DACH2: variants seen among roughly 807,000 people sequenced by gnomAD.
The protein encoded by DACH2 is dachshund family transcription factor 2.
In DACH2, 17 loss-of-function variants were observed where a neutral mutation model predicts 35.8. The ratio of observed to expected loss-of-function variants is 0.48; its 90% CI spans 0.33 to 0.71. DACH2 has a LOEUF of 0.71. DACH2 is among the 30% of genes least tolerant of loss of function. DACH2 has a pLI of 0.02. For synonymous variants in DACH2, 195 were observed against 177.3 expected, an observed-to-expected ratio of 1.10 and a Z score of -0.79; for missense variants, 469 against 472.7, an observed-to-expected ratio of 0.99 and a Z score of 0.07.
Position 86,508,332 on chromosome X carries a change from G to A in DACH2, c.528-5947G>A, listed in dbSNP as rs757174883. ...CCAGCATTTTGGGAGGCCGAGGCGG[G>A]CGGATCACTTGAGGCCAGGAGTTTG... On this transcript the variant is annotated intron_variant, in intron 2 of 11. Transcript: ENST00000373125. 7.2e-5 allele frequency among the ~76,000 whole-genome samples: 8 copies of A among 110,810 alleles called. No individual in the cohort carries two copies. The East Asian group carries it at 2.3e-3, about 32-fold the overall frequency.
At chrX:86,583,572 C>G (rs903138577) in intron 3 of DACH2, among the ~76,000 whole-genome samples, 12 of 108,258 alleles carry the variant, frequency 1.1e-4, no homozygotes, top group African/African-American at 4.0e-4. Context: ...TATTATTATA[C>G]TTTAAGTTTT....
chrX:86,394,816 G>C (rs1393560653), intron 2 of DACH2, among the ~76,000 whole-genome samples: 1 of 111,408 alleles, frequency 9.0e-6, no homozygotes, highest in Non-Finnish European at 1.9e-5. Context: ...TATAGCCCAG[G>C]GTGTCTGAAG....
At chrX:86,266,376 T>A (rs2147967259) in intron 1 of DACH2, among the ~76,000 whole-genome samples, 1 of 111,929 alleles carries the variant, frequency 8.9e-6, no homozygotes, top group East Asian at 2.8e-4. Context: ...GTCAACAAAA[T>A]GATTTAAAAC....
At chrX:86,721,619 T>G (rs2041407828) in intron 6 of DACH2, among the ~76,000 whole-genome samples, 1 of 111,993 alleles carries the variant, frequency 8.9e-6, no homozygotes, top group South Asian at 3.8e-4. Context: ...TGTTCCAACC[T>G]CTGTCTGTTA....
chrX:86,160,962 G>T, intron 1 of DACH2: 1 of 829,559 alleles, frequency 1.2e-6, no homozygotes, highest in Non-Finnish European at 1.8e-6. Context: ...GTAGTCCAGA[G>T]CCTCAAGCAG....
intron 7 of DACH2, among the ~76,000 whole-genome samples, chrX:86,795,311 G>C (rs149775635): frequency 0.016 from 1,699 of 103,490 alleles, 15 homozygotes; most frequent in Non-Finnish European, 0.026. Context: ...TCTGCTCACT[G>C]CAAGTTCCAT....
intron 1 of DACH2, among the ~76,000 whole-genome samples, chrX:86,295,511 G>A (rs942361067): frequency 9.0e-6 from 1 of 111,636 alleles, no homozygotes; most frequent in South Asian, 3.8e-4. Context: ...TGATCCTCTT[G>A]GTGTTGACTG....
chrX:86,221,146 A>G (rs1233254330), intron 1 of DACH2, among the ~76,000 whole-genome samples: 2 of 111,213 alleles, frequency 1.8e-5, no homozygotes, highest in Non-Finnish European at 3.8e-5. Context: ...GACCAATTCC[A>G]TGATGCTTTT....
intron 1 of DACH2, among the ~76,000 whole-genome samples, chrX:86,201,000 G>T (rs2032140223): frequency 9.0e-6 from 1 of 111,257 alleles, no homozygotes; most frequent in Non-Finnish European, 1.9e-5. Context: ...GTTCATTGCA[G>T]TGCTTTTCGC....
chrX:86,313,426 C>A (rs746916353), intron 1 of DACH2, among the ~76,000 whole-genome samples: 19 of 111,621 alleles, frequency 1.7e-4, no homozygotes, highest in Non-Finnish European at 3.4e-4. Flanking sequence ...AATGAATTAT[C>A]CTCCACTTGA....
chrX:86,196,191 A>G (rs1207211614), intron 1 of DACH2, among the ~76,000 whole-genome samples: 1 of 111,812 alleles, frequency 8.9e-6, no homozygotes, highest in African/African-American at 3.3e-5. Flanking sequence ...TAAGAGTCAC[A>G]ATAAAATGAT....
At chrX:86,464,948 T>TTCAAAACAA (rs1569411278) in intron 2 of DACH2, among the ~76,000 whole-genome samples, 2 of 112,006 alleles carry the variant, frequency 1.8e-5, no homozygotes, top group Non-Finnish European at 3.8e-5. Context: ...AACTAAATAA[T>TTCAAAACAA]GTTAGAATTT....
chrX:86,503,545 T>C (rs991530265), intron 2 of DACH2, among the ~76,000 whole-genome samples: 3 of 112,243 alleles, frequency 2.7e-5, no homozygotes, highest in Non-Finnish European at 5.6e-5. Context: ...TCATTAGTAG[T>C]ATCAAAGGGA....
intron 2 of DACH2, among the ~76,000 whole-genome samples, chrX:86,427,234 A>C (rs890103526): frequency 7.2e-5 from 8 of 111,082 alleles, no homozygotes; most frequent in African/African-American, 2.6e-4. Context: ...ATACCTCTTA[A>C]TTGGGTCACA....
At chrX:86,607,985 AGTCTATC>A (rs1463708406) in intron 3 of DACH2, among the ~76,000 whole-genome samples, 1 of 104,464 alleles carries the variant, frequency 9.6e-6, no homozygotes, top group African/African-American at 3.5e-5. Flanking sequence ...TTCTTAATCC[AGTCTATC>A]ATTGTTGGAC....
intron 7 of DACH2, among the ~76,000 whole-genome samples, chrX:86,796,438 A>G (rs2042240183): frequency 9.0e-6 from 1 of 111,491 alleles, no homozygotes; most frequent in African/African-American, 3.3e-5. Flanking sequence ...TCAATACTAA[A>G]CTGAAAATAA....
intron 2 of DACH2, among the ~76,000 whole-genome samples, chrX:86,513,651 A>G (rs1237653481): frequency 8.9e-6 from 1 of 112,452 alleles, no homozygotes; most frequent in Non-Finnish European, 1.9e-5. Context: ...GAGAAAAGAC[A>G]GCCTAGACTG....
chrX:86,607,744 C>G (rs2039877951), intron 3 of DACH2, among the ~76,000 whole-genome samples: 1 of 73,915 alleles, frequency 1.4e-5, no homozygotes, highest in Non-Finnish European at 2.5e-5. Context: ...TCCCTCCCCC[C>G]TCCCCCCACC....
chrX:86,829,418 C>A (rs918743904), intron 11 of DACH2: 10 of 112,267 alleles, frequency 8.9e-5, no homozygotes, highest in African/African-American at 3.2e-4. Context: ...AAACTAGTGT[C>A]TTTTGTTTAA....
Sources: gnomAD v4.1 joint callset for allele counts (sites outside exome capture counted in the v4.1 genomes callset) on GRCh38, gnomAD v4.1.1 for gene constraint, MANE v1.5 for transcripts, NCBI Gene and HGNC (gene_info 2026-07-23, HGNC 2026-07-21) for gene names.